The following PLXNA2 variants were observed in gnomAD, a reference collection of about 807,000 sequenced individuals.
The protein encoded by PLXNA2 is plexin-A2.
PLXNA2 carries 91 observed loss-of-function variants against 193.5 expected under a neutral mutation model. That is an observed-to-expected ratio of 0.47 (90% CI 0.40 to 0.56). The LOEUF (loss-of-function observed/expected upper bound fraction) is 0.56. Ranked by LOEUF, PLXNA2 falls within the 20% of genes least tolerant of loss-of-function variation. The pLI is 0.00. For synonymous variants in PLXNA2, 997 were observed against 1,027.3 expected (o/e 0.97, Z 0.56); for missense variants, 1,995 against 2,503.2 (o/e 0.80, Z 4.33).
intron 26 of PLXNA2, among the ~76,000 whole-genome samples, chr1:208,037,696 T>TA (rs1420682518): frequency 6.6e-6 from 1 of 151,882 alleles, no homozygotes; most frequent in Non-Finnish European, 1.5e-5. Context: ...CGGGAGTAGA[T>TA]ACCTCCTTGA....
Position 208,153,475 on chromosome 1 carries a change from C to T in PLXNA2, c.1372-11012G>A, listed in dbSNP as rs115017298. Among the ~76,000 whole-genome samples, 564 of 152,312 alleles carry T rather than the reference C, an allele frequency of 3.7e-3. 3 individuals are homozygous for T. The highest frequency in any genetic ancestry group is 0.013 in the African/African-American group (539 of 41,570). ...CTTGTTCCATGCCATCCCAACCACCCGGAATCTTCTGGAACCTGGCGTGTA... is the reference window on the plus strand; with the variant it reads ...CTTGTTCCATGCCATCCCAACCACCTGGAATCTTCTGGAACCTGGCGTGTA... On this transcript the variant is annotated intron_variant, in intron 3 of 31. Transcript: ENST00000367033.
intron 3 of PLXNA2, among the ~76,000 whole-genome samples, chr1:208,172,642 A>G (rs541788479): frequency 2.1e-4 from 32 of 152,246 alleles, no homozygotes; most frequent in African/African-American, 7.0e-4. Context: ...CTTTCTCTTT[A>G]TAACAGATTC....
chr1:208,211,358 C>T (rs1048966406), intron 2 of PLXNA2, among the ~76,000 whole-genome samples: 4 of 151,868 alleles, frequency 2.6e-5, no homozygotes, highest in Admixed American at 1.3e-4. Flanking sequence ...CTGTCAGCAG[C>T]GACTGGAGCA....
intron 29 of PLXNA2, chr1:208,030,716 C>A (rs1205150893): frequency 1.0e-6 from 1 of 985,434 alleles, no homozygotes; most frequent in Non-Finnish European, 1.2e-6. Flanking sequence ...TCTGAGGAGA[C>A]CGCTAACTCC....
chr1:208,186,633 G>C (rs578046326), intron 3 of PLXNA2, among the ~76,000 whole-genome samples: 3 of 152,264 alleles, frequency 2.0e-5, no homozygotes, highest in African/African-American at 4.8e-5. Context: ...AAATGGGATA[G>C]GGGGAGAGTA....
chr1:208,219,257 C>T (rs1054344779), intron 1 of PLXNA2, among the ~76,000 whole-genome samples: 1 of 152,168 alleles, frequency 6.6e-6, no homozygotes, highest in African/African-American at 2.4e-5. Flanking sequence ...TAGCCAGGGG[C>T]AGTCTGGGCC....
intron 4 of PLXNA2, among the ~76,000 whole-genome samples, chr1:208,124,421 G>C (rs1667900641): frequency 6.6e-6 from 1 of 151,082 alleles, no homozygotes; most frequent in Admixed American, 6.6e-5. Flanking sequence ...GCTCACGTCT[G>C]TAATCCCAGC....
intron 3 of PLXNA2, among the ~76,000 whole-genome samples, chr1:208,177,137 C>T (rs1337279486): frequency 1.3e-5 from 2 of 152,156 alleles, no homozygotes; most frequent in Non-Finnish European, 2.9e-5. Context: ...TGTCTTGGTA[C>T]TATTCTATGA....
chr1:208,097,335 T>C (rs1000160036), intron 6 of PLXNA2, among the ~76,000 whole-genome samples: 1 of 152,094 alleles, frequency 6.6e-6, no homozygotes, highest in Non-Finnish European at 1.5e-5. Flanking sequence ...GCTCACTAGG[T>C]TGGTGGAAGA....
At chr1:208,231,811 T>TGGG (rs910908551) in intron 1 of PLXNA2, among the ~76,000 whole-genome samples, 1 of 152,182 alleles carries the variant, frequency 6.6e-6, no homozygotes, top group South Asian at 2.1e-4. Flanking sequence ...GACTTGGACT[T>TGGG]GGGGGGTCCT....
chr1:208,174,032 AAGAAG>A (rs1314345105), intron 3 of PLXNA2, among the ~76,000 whole-genome samples: 3 of 152,248 alleles, frequency 2.0e-5, no homozygotes, highest in African/African-American at 7.2e-5. Context: ...GCGCTTTGAA[AAGAAG>A]AGAAGTTGGT....
At chr1:208,197,346 G>A (rs769019142) in intron 3 of PLXNA2, among the ~76,000 whole-genome samples, 3 of 152,232 alleles carry the variant, frequency 2.0e-5, no homozygotes, top group South Asian at 2.1e-4. Context: ...ATGACGACAC[G>A]TGATTACTCA....
intron 1 of PLXNA2, among the ~76,000 whole-genome samples, chr1:208,237,756 C>G (rs1419135248): frequency 6.6e-6 from 1 of 152,192 alleles, no homozygotes; most frequent in Non-Finnish European, 1.5e-5. Flanking sequence ...CCTCTGACCC[C>G]CTAGTACACA....
At position 208,038,909 on chromosome 1, in the gene PLXNA2, T is replaced by C. The variant is rs756553656; in HGVS notation, c.4576A>G (p.Thr1526Ala). Residue 1526 changes from threonine to alanine, a missense_variant, in exon 25 of 32, where the codon ACA becomes GCA. By Grantham distance (58) the Thr-to-Ala change is moderately conservative. Coordinates refer to ENST00000367033, the MANE Select transcript of PLXNA2 (RefSeq NM_025179.4). The surrounding 1 kb of genome is among the most constrained non-coding windows in gnomAD (Gnocchi z 4.1). ...PVKVLNCDTI[T>A]QVKEKILDAV... ...TCAAGAATCTTCTCCTTGACCTGTG[T>C]GATGGTGTCACAGTTTAACACCTTC... 6 of 1,614,120 alleles carry C rather than the reference T, an allele frequency of 3.7e-6. No individual in the cohort carries two copies. The highest frequency in any genetic ancestry group is 5.1e-6 in the Non-Finnish European group (6 of 1,179,982).
At chr1:208,198,470 C>T (rs983869924) in intron 3 of PLXNA2, among the ~76,000 whole-genome samples, 2 of 152,240 alleles carry the variant, frequency 1.3e-5, no homozygotes, top group African/African-American at 4.8e-5. Context: ...CTTCAGAAAG[C>T]TCACAGCAAA....
intron 1 of PLXNA2, among the ~76,000 whole-genome samples, chr1:208,223,296 G>A (rs1671404510): frequency 1.3e-5 from 2 of 151,504 alleles, no homozygotes; most frequent in African/African-American, 2.4e-5. Context: ...TGACCAGGGC[G>A]ACTCAAAGTG....
rs112018748 is a variant in PLXNA2, at chr1:208,108,675, A to G, written c.1507-5428T>C. On this transcript the variant is annotated intron_variant, in intron 4 of 31. Transcript: ENST00000367033. ...TTTAGTCCTTAAACATCTACTGAGC[A>G]CTTACATTGTACTCAACCCTCTGTT... is the stretch of plus-strand genomic sequence containing the variant. 7.9e-3 allele frequency among the ~76,000 whole-genome samples: 1,206 copies of G among 152,320 alleles called. 18 individuals carry two copies. Among genetic ancestry groups the G allele is most frequent in the African/African-American group, 0.027 (1,112 of 41,570 alleles).
intron 9 of PLXNA2, among the ~76,000 whole-genome samples, chr1:208,088,846 C>T (rs773090456): frequency 6.6e-6 from 1 of 152,078 alleles, no homozygotes; most frequent in African/African-American, 2.4e-5. Context: ...GGTGTGTGTG[C>T]GTGTGAGTGT....
Position 208,045,818 on chromosome 1 carries a change from G to A in PLXNA2, c.3495+60C>T, listed in dbSNP as rs573427263. The A allele has an allele frequency of 4.4e-4, 699 of 1,594,124 alleles. 6 individuals are homozygous for A. The South Asian group carries it at 6.0e-3, about 14-fold the overall frequency. On this transcript the variant is annotated intron_variant, in intron 18 of 31. Transcript: ENST00000367033. Reference sequence around the variant, plus strand: ...AAAGAAAGAAAGTCAGGCCAGGAGCGAGGGGCGCCCTCTGGCATTGCTGCC... The same window carrying A: ...AAAGAAAGAAAGTCAGGCCAGGAGCAAGGGGCGCCCTCTGGCATTGCTGCC...
Sources: gnomAD v4.1 joint callset for allele counts (sites outside exome capture counted in the v4.1 genomes callset) on GRCh38, gnomAD v4.1.1 for gene constraint, Gnocchi (gnomAD v3.1) non-coding constraint, MANE v1.5 for transcripts, NCBI Gene and HGNC (gene_info 2026-07-23, HGNC 2026-07-21) for gene names.